SDK1: variants seen among roughly 807,000 people sequenced by gnomAD.
SDK1 encodes the protein protein sidekick-1.
SDK1 carries 157 observed loss-of-function variants against 245.5 expected under a neutral mutation model. That is an observed-to-expected ratio of 0.64 (90% CI 0.56 to 0.73). The LOEUF is 0.73. Among genes scored for constraint, SDK1 ranks in the 30% least tolerant of loss-of-function variants. SDK1 has a pLI of 0.00. For synonymous variants in SDK1, 1,647 were observed against 1,278.5 expected (o/e 1.29, Z -6.15); for missense variants, 3,583 against 3,002.3 (o/e 1.19, Z -4.52).
intron 38 of SDK1, among the ~76,000 whole-genome samples, chr7:4,218,267 C>T (rs1031561333): frequency 5.3e-5 from 8 of 152,134 alleles, no homozygotes; most frequent in African/African-American, 1.7e-4. Context: ...GTGGCATGCG[C>T]CTGTAATCCC....
intron 5 of SDK1, among the ~76,000 whole-genome samples, chr7:3,879,615 G>A (rs1003621842): frequency 1.3e-5 from 2 of 152,172 alleles, no homozygotes; most frequent in Non-Finnish European, 2.9e-5. Context: ...TCAGCCATTC[G>A]CTGCGTGTCC....
At chr7:3,944,055 A>G (rs1392915559) in intron 5 of SDK1, among the ~76,000 whole-genome samples, 1 of 152,250 alleles carries the variant, frequency 6.6e-6, no homozygotes, top group Admixed American at 6.5e-5. Flanking sequence ...TAAAGTCTCA[A>G]TTAAGGAAGT....
At position 3,764,170 on chromosome 7, in the gene SDK1, G is replaced by C. The variant is rs150308671; in HGVS notation, c.714-57280G>C. ...TCCCTTTTCTATCTCATTCTGTTGT[G>C]AATGGGGATTTTCAGATGCTACAGT... On this transcript the variant is annotated intron_variant, in intron 4 of 44. Transcript: ENST00000404826. 1.4e-3 allele frequency among the ~76,000 whole-genome samples: 219 copies of C among 152,170 alleles called. 1 individual carries two copies. Among genetic ancestry groups the C allele is most frequent in the African/African-American group, 3.6e-3 (150 of 41,516 alleles).
intron 1 of SDK1, among the ~76,000 whole-genome samples, chr7:3,586,629 C>T (rs565537584): frequency 4.7e-5 from 7 of 149,218 alleles, no homozygotes; most frequent in East Asian, 4.0e-4. Context: ...GGCATGAACC[C>T]GGGAGGTGGA....
Position 3,741,982 on chromosome 7 carries a change from G to C in SDK1, c.714-79468G>C, listed in dbSNP as rs1181339608. 4.2e-5 allele frequency among the ~76,000 whole-genome samples: 4 copies of C among 95,902 alleles called. No homozygotes were observed. The Admixed American group carries it at 5.0e-4, about 12-fold the overall frequency. 62.9% of individuals were successfully genotyped at this position (95,902 alleles called of 152,430 possible). A position where few individuals can be genotyped will look rare whatever the true frequency, so the allele number is the denominator to read the frequency against. ...TGGCAATTTGTGTTCCCATATTGTA[G>C]TGTGCATATATATATATATATATAT... On this transcript the variant is annotated intron_variant, in intron 4 of 44. Transcript: ENST00000404826.
intron 4 of SDK1, among the ~76,000 whole-genome samples, chr7:3,735,182 A>AT (rs1359334236): frequency 1.3e-5 from 2 of 152,202 alleles, no homozygotes; most frequent in Non-Finnish European, 2.9e-5. Context: ...TAGAATGTTC[A>AT]TAACATAAAA....
At position 4,176,930 on chromosome 7, in the gene SDK1, G is replaced by A. The variant is rs539459401; in HGVS notation, c.4996+1096G>A. On this transcript the variant is annotated intron_variant, in intron 34 of 44. Transcript: ENST00000404826. The stretch of plus-strand genomic sequence containing the variant: ...TTGTTTCTCCTTTGATTCCCAGCTA[G>A]GGAGGAGTTTCAAAATCCAACTCAA... Among the ~76,000 whole-genome samples the A allele has an allele frequency of 3.9e-5, 6 of 152,318 alleles. No individual in the cohort carries two copies. The East Asian group carries it at 9.6e-4, about 24-fold the overall frequency.
At chr7:3,309,109 G>C (rs1039785053) in intron 1 of SDK1, among the ~76,000 whole-genome samples, 1 of 152,092 alleles carries the variant, frequency 6.6e-6, no homozygotes, top group Admixed American at 6.6e-5. Flanking sequence ...ATTTCCACAG[G>C]TGGTAGTATT....
rs575665180 is a variant in SDK1 at position 3,837,968 on chromosome 7, C to G, written c.847+16385C>G. Among the ~76,000 whole-genome samples the G allele has an allele frequency of 1.1e-4, 16 of 152,290 alleles. No individual in the cohort carries two copies. The East Asian group carries it at 2.5e-3, about 24-fold the overall frequency. On this transcript the variant is annotated intron_variant, in intron 5 of 44. Coordinates refer to ENST00000404826, the MANE Select transcript of SDK1 (RefSeq NM_152744.4). ...TAAGAGCTTGTCCTGACCAGGAAGACTTGGACTCCCAGGTCCCCTTGAGAG... is the reference window on the plus strand; with the variant it reads ...TAAGAGCTTGTCCTGACCAGGAAGAGTTGGACTCCCAGGTCCCCTTGAGAG...
At chr7:3,630,687 C>A (rs1177818050) in intron 2 of SDK1, among the ~76,000 whole-genome samples, 1 of 152,064 alleles carries the variant, frequency 6.6e-6, no homozygotes, top group East Asian at 1.9e-4. Context: ...AAGGATAAAT[C>A]TGACACAGGG....
chr7:3,865,819 C>G (rs1308064026), intron 5 of SDK1, among the ~76,000 whole-genome samples: 1 of 152,126 alleles, frequency 6.6e-6, no homozygotes, highest in Non-Finnish European at 1.5e-5. Context: ...CTTAACCCAT[C>G]AGTTTTATGG....
At chr7:3,359,925 A>G (rs1780907564) in intron 1 of SDK1, among the ~76,000 whole-genome samples, 1 of 152,218 alleles carries the variant, frequency 6.6e-6, no homozygotes, top group Admixed American at 6.5e-5. Context: ...ATCTTGAGGC[A>G]TCCACCTTGC....
intron 32 of SDK1, among the ~76,000 whole-genome samples, chr7:4,168,794 C>A (rs936999300): frequency 1.3e-5 from 2 of 152,146 alleles, no homozygotes; most frequent in Non-Finnish European, 2.9e-5. Flanking sequence ...ACTTACAGAG[C>A]CCCTGCTGTA....
chr7:3,905,486 A>G (rs754706412), intron 5 of SDK1, among the ~76,000 whole-genome samples: 2 of 151,924 alleles, frequency 1.3e-5, no homozygotes, highest in South Asian at 2.1e-4. Context: ...TAATTATTCT[A>G]TTGTGGATAA....
intron 1 of SDK1, among the ~76,000 whole-genome samples, chr7:3,430,668 C>G (rs1779817449): frequency 1.3e-5 from 2 of 152,182 alleles, no homozygotes; most frequent in Admixed American, 1.3e-4. Context: ...TCCCAAAAGG[C>G]AGAATGACAT....
chr7:3,932,554 G>A (rs983254676), intron 5 of SDK1, among the ~76,000 whole-genome samples: 6 of 152,166 alleles, frequency 3.9e-5, no homozygotes, highest in Non-Finnish European at 8.8e-5. Flanking sequence ...TGGGGCAGAC[G>A]GGAAAAGAAA....
intron 19 of SDK1, among the ~76,000 whole-genome samples, chr7:4,066,312 C>T (rs1047576388): frequency 2.0e-5 from 3 of 152,146 alleles, no homozygotes; most frequent in Admixed American, 1.3e-4. Flanking sequence ...AGGGCCAACC[C>T]GGGCAGCTGT....
In SDK1 at chr7:3,949,011, T is replaced by C. The variant is rs113781451; in HGVS notation, c.848-1912T>C. The stretch of plus-strand genomic sequence containing the variant: ...GATGACAGGCAGGCCGTTAGTCTGA[T>C]TGGCATTCCATTCCTGTCCTTTGCC... On this transcript the variant is annotated intron_variant, in intron 5 of 44. Coordinates refer to ENST00000404826, the MANE Select transcript of SDK1 (RefSeq NM_152744.4). Among the ~76,000 whole-genome samples the C allele has an allele frequency of 6.1e-3, 929 of 152,336 alleles. 13 individuals carry two copies. Among genetic ancestry groups the C allele is most frequent in the African/African-American group, 0.021 (877 of 41,592 alleles).
intron 1 of SDK1, among the ~76,000 whole-genome samples, chr7:3,491,618 A>G (rs1374119871): frequency 1.3e-5 from 2 of 152,214 alleles, no homozygotes; most frequent in African/African-American, 4.8e-5. Context: ...AAATAAACAC[A>G]TAGCTATATC....
Sources: gnomAD v4.1 joint callset for allele counts (sites outside exome capture counted in the v4.1 genomes callset) on GRCh38, gnomAD v4.1.1 for gene constraint, MANE v1.5 for transcripts, NCBI Gene and HGNC (gene_info 2026-07-23, HGNC 2026-07-21) for gene names.